The following PCDHA3 variants were observed in gnomAD, a reference collection of about 807,000 sequenced individuals.
The protein encoded by PCDHA3 is protocadherin alpha 3.
In PCDHA3, 41 loss-of-function variants were observed where a neutral mutation model predicts 62.2. The observed-to-expected ratio is 0.66, with a 90% CI of 0.51 to 0.86. The LOEUF is 0.86. Ranked by LOEUF, PCDHA3 falls within the 40% of genes least tolerant of loss-of-function variation. The probability of loss-of-function intolerance (pLI) is 0.00; values close to 1 mark genes in which losing one functional copy is unlikely to be tolerated. For synonymous variants in PCDHA3, 640 were observed against 555.4 expected (o/e 1.15, Z -2.14); for missense variants, 1,304 against 1,241.2 (o/e 1.05, Z -0.76).
At chr5:140,834,256 T>A in intron 1 of PCDHA3, 1 of 945,884 alleles carries the variant, frequency 1.1e-6, no homozygotes, top group South Asian at 1.7e-5. Flanking sequence ...GGAAAGACGC[T>A]CCACTCTCTT....
At chr5:140,884,556 G>T in intron 1 of PCDHA3, 1 of 1,614,154 alleles carries the variant, frequency 6.2e-7, no homozygotes, top group Non-Finnish European at 8.5e-7. Context: ...TCTGGGGAGG[G>T]CCCGCATAAG....
chr5:140,856,036 A>T (rs1554148102), intron 1 of PCDHA3: 1 of 1,567,408 alleles, frequency 6.4e-7, no homozygotes, highest in African/African-American at 1.4e-5. Context: ...TTGTAAAACA[A>T]GAGAAGGATA....
chr5:140,878,556 A>C (rs959852623), intron 1 of PCDHA3, among the ~76,000 whole-genome samples: 1 of 152,156 alleles, frequency 6.6e-6, no homozygotes. Context: ...GATGATCCCA[A>C]ACTTATCATA....
intron 1 of PCDHA3, among the ~76,000 whole-genome samples, chr5:140,910,102 A>G (rs1206018595): frequency 2.6e-5 from 4 of 152,184 alleles, no homozygotes; most frequent in African/African-American, 9.7e-5. Context: ...CCTCCCCTTC[A>G]TTTAAGGGAT....
At chr5:140,841,726 A>G (rs1777447763) in intron 1 of PCDHA3, 1 of 1,613,794 alleles carries the variant, frequency 6.2e-7, no homozygotes, top group African/African-American at 1.3e-5. Flanking sequence ...TGTTCCGGGT[A>G]AAAGACCAAA....
At chr5:140,862,688 A>G in intron 1 of PCDHA3, 1 of 553,472 alleles carries the variant, frequency 1.8e-6, no homozygotes, top group Non-Finnish European at 3.6e-6. Flanking sequence ...CTGGTGTCCT[A>G]CTCGTTGATG....
At chr5:140,954,119 C>A (rs547590061) in intron 1 of PCDHA3, among the ~76,000 whole-genome samples, 1 of 152,274 alleles carries the variant, frequency 6.6e-6, no homozygotes, top group African/African-American at 2.4e-5. Flanking sequence ...AGATCTTGTT[C>A]CTTTTTATGG....
At chr5:140,822,634 G>A (rs2150117957) in intron 1 of PCDHA3, 25 of 1,610,648 alleles carry the variant, frequency 1.6e-5, no homozygotes, top group Non-Finnish European at 2.1e-5. Flanking sequence ...TGTTCTTGAC[G>A]ATGTAAAGTC....
rs2150127627 is a variant in PCDHA3 at position 140,823,632 on chromosome 5, C to T, written c.2394+20041C>T. On this transcript the variant is annotated intron_variant, in intron 1 of 3. Coordinates refer to ENST00000522353, the MANE Select transcript of PCDHA3 (RefSeq NM_018906.3). Reference sequence around the variant, plus strand: ...AGCCAGCGCCTGGCAGTGCGCGCATCCCGTTCCGCGTGGGGCTGTACACAG... The same window carrying T: ...AGCCAGCGCCTGGCAGTGCGCGCATTCCGTTCCGCGTGGGGCTGTACACAG... The T allele has an allele frequency of 2.4e-5, 39 of 1,614,058 alleles. No homozygotes were observed. The South Asian group carries it at 4.1e-4, about 17-fold the overall frequency.
chr5:140,869,332 G>A, intron 1 of PCDHA3: 3 of 1,613,960 alleles, frequency 1.9e-6, no homozygotes, highest in Middle Eastern at 1.7e-4. Flanking sequence ...CCTTCTGGAG[G>A]TAAATCTGCA....
intron 1 of PCDHA3, chr5:140,810,068 A>G (rs1764594769): frequency 6.5e-6 from 1 of 153,826 alleles, no homozygotes; most frequent in African/African-American, 2.4e-5. Context: ...CTGTTTTGGG[A>G]ACGTTATCTA....
intron 3 of PCDHA3, among the ~76,000 whole-genome samples, chr5:141,007,932 A>T (rs150576416): frequency 3.9e-5 from 6 of 152,336 alleles, no homozygotes; most frequent in Non-Finnish European, 7.3e-5. Context: ...CTGGAATTCT[A>T]AGCCACCTTT....
At chr5:140,837,780 G>A (rs1024402142) in intron 1 of PCDHA3, among the ~76,000 whole-genome samples, 3 of 151,682 alleles carry the variant, frequency 2.0e-5, no homozygotes, top group Admixed American at 6.6e-5. Context: ...GGGCTCACAG[G>A]ATCCTCCCAT....
In PCDHA3 at chr5:140,803,141, G is replaced by T. The variant is rs782312882; in HGVS notation, c.1944G>T (p.Leu648=). 2.5e-6 allele frequency: 4 copies of T among 1,613,754 alleles called. No homozygotes were observed. In the African/African-American group the frequency reaches 5.3e-5, roughly 22 times the overall value. Residue 648 remains leucine, a synonymous_variant, in exon 1 of 4, where the codon CTG becomes CTT. Transcript: ENST00000522353. ...TGGACGCCCCGCGCCATCGCCTACT[G>T]GTGCTGGTGAAGGACCACGGTGAAC... is the stretch of plus-strand genomic sequence containing the variant. ...DEVDAPRHRL[L]VLVKDHGEPS...
chr5:140,972,919 C>T (rs1231455019), intron 1 of PCDHA3, among the ~76,000 whole-genome samples: 1 of 152,078 alleles, frequency 6.6e-6, no homozygotes, highest in African/African-American at 2.4e-5. Flanking sequence ...GCCTTGGCCT[C>T]CCAAAGTGCT....
intron 1 of PCDHA3, chr5:140,842,490 T>G: frequency 6.2e-7 from 1 of 1,613,916 alleles, no homozygotes; most frequent in Non-Finnish European, 8.5e-7. Context: ...TGCTCCCTGA[T>G]GCCCCATGTC....
At chr5:140,983,293 A>C (rs2097040232) in intron 3 of PCDHA3, among the ~76,000 whole-genome samples, 1 of 152,240 alleles carries the variant, frequency 6.6e-6, no homozygotes, top group African/African-American at 2.4e-5. Context: ...AAAATTGCTT[A>C]AACTCACATT....
chr5:140,815,283 T>C (rs1765689291), intron 1 of PCDHA3: 1 of 152,134 alleles, frequency 6.6e-6, no homozygotes, highest in Admixed American at 6.5e-5. Flanking sequence ...CCTCTTACTG[T>C]CTTCCTTTGT....
Position 140,845,987 on chromosome 5 carries a change from T to C in PCDHA3, c.2394+42396T>C, listed in dbSNP as rs1259118167. 7.3e-5 allele frequency among the ~76,000 whole-genome samples: 11 copies of C among 149,774 alleles called. 1 individual carries two copies. Among genetic ancestry groups the C allele is most frequent in the Admixed American group, 4.7e-4 (7 of 14,964 alleles). On this transcript the variant is annotated intron_variant, in intron 1 of 3. Coordinates refer to ENST00000522353, the MANE Select transcript of PCDHA3 (RefSeq NM_018906.3). ...TAGGATGTTTCAATATTTTGAATGT[T>C]GTGTGGTGGAATGAAAAAAATCTAA...
Sources: gnomAD v4.1 joint callset for allele counts (sites outside exome capture counted in the v4.1 genomes callset) on GRCh38, gnomAD v4.1.1 for gene constraint, MANE v1.5 for transcripts, NCBI Gene and HGNC (gene_info 2026-07-23, HGNC 2026-07-21) for gene names.